Variants in LCP1 observed in about 807,000 individuals in gnomAD.
LCP1 encodes lymphocyte cytosolic protein 1.
In LCP1, 23 loss-of-function variants were observed where a neutral mutation model predicts 72.0. The ratio of observed to expected loss-of-function variants is 0.32; its 90% CI spans 0.23 to 0.45. The LOEUF is 0.45. LCP1 is among the 20% of genes least tolerant of loss of function. The pLI, the probability that LCP1 is intolerant of heterozygous loss-of-function variation, is 1.00. For synonymous variants in LCP1, 245 were observed against 275.4 expected, an observed-to-expected ratio of 0.89 and a Z score of 1.09; for missense variants, 571 against 748.3, an observed-to-expected ratio of 0.76 and a Z score of 2.76.
At chr13:46,135,511 G>A (rs996676101) in intron 13 of LCP1, among the ~76,000 whole-genome samples, 5 of 152,152 alleles carry the variant, frequency 3.3e-5, no homozygotes, top group African/African-American at 1.2e-4. Flanking sequence ...TTCAAGTTTA[G>A]TCCCTGAAAT....
chr13:46,141,251 C>G (rs368782212), intron 13 of LCP1, among the ~76,000 whole-genome samples: 37 of 151,456 alleles, frequency 2.4e-4, no homozygotes, highest in African/African-American at 8.2e-4. Flanking sequence ...ACTAAAAATA[C>G]AAAAATTAGC....
chr13:46,169,107 T>A (rs2045892329), intron 1 of LCP1, among the ~76,000 whole-genome samples: 1 of 152,172 alleles, frequency 6.6e-6, no homozygotes, highest in Admixed American at 6.5e-5. Flanking sequence ...TCACAGAGCT[T>A]ATTGGAGGTG....
intron 1 of LCP1, among the ~76,000 whole-genome samples, chr13:46,161,448 G>A (rs1053120472): frequency 1.3e-5 from 2 of 152,054 alleles, no homozygotes; most frequent in Admixed American, 1.3e-4. Context: ...AGAAACTGTC[G>A]AGGGGTTAAT....
chr13:46,153,615 C>T (rs1042007342), intron 6 of LCP1, among the ~76,000 whole-genome samples: 2 of 151,482 alleles, frequency 1.3e-5, no homozygotes, highest in Non-Finnish European at 2.9e-5. Flanking sequence ...GCAGGAGAAT[C>T]TCTTGAACCC....
chr13:46,155,636 C>G (rs2045795616), intron 5 of LCP1, among the ~76,000 whole-genome samples: 1 of 152,228 alleles, frequency 6.6e-6, no homozygotes, highest in Non-Finnish European at 1.5e-5. Context: ...TTGAGCACCT[C>G]AAGTCACTTC....
At chr13:46,156,097 G>T (rs1397911108) in intron 5 of LCP1, among the ~76,000 whole-genome samples, 1 of 152,058 alleles carries the variant, frequency 6.6e-6, no homozygotes, top group Non-Finnish European at 1.5e-5. Context: ...TCCTTCTATA[G>T]TCATTATTTA....
rs116495345 is a variant in LCP1, at chr13:46,167,552, G to A, written c.-24-7866C>T. Among the ~76,000 whole-genome samples the A allele has an allele frequency of 6.6e-3, 1,011 of 152,270 alleles. 8 individuals carry two copies. Among genetic ancestry groups the A allele is most frequent in the African/African-American group, 0.024 (979 of 41,550 alleles). ...CCTTCCCTGAGCTTTAGACAGTGAT[G>A]CTCCTGATACTAACATCTTTAAATT... On this transcript the variant is annotated intron_variant, in intron 1 of 15. Transcript: ENST00000323076.
chr13:46,180,899 T>G (rs2045952840), intron 1 of LCP1, among the ~76,000 whole-genome samples: 1 of 152,222 alleles, frequency 6.6e-6, no homozygotes. Context: ...GTTTCACATT[T>G]TTGCTTGTTT....
chr13:46,151,490 A>G (rs1349809615), intron 7 of LCP1, among the ~76,000 whole-genome samples: 4 of 152,096 alleles, frequency 2.6e-5, no homozygotes, highest in African/African-American at 9.7e-5. Flanking sequence ...GTCTATTCCC[A>G]TAGGTGTTTT....
intron 1 of LCP1, among the ~76,000 whole-genome samples, chr13:46,175,146 A>G (rs1033088701): frequency 1.3e-5 from 2 of 152,170 alleles, no homozygotes; most frequent in East Asian, 3.9e-4. Context: ...TAACAACTTT[A>G]CCTAGCTATG....
intron 11 of LCP1, among the ~76,000 whole-genome samples, chr13:46,143,837 C>A (rs908108191): frequency 2.6e-5 from 4 of 152,146 alleles, no homozygotes; most frequent in Admixed American, 2.6e-4. Context: ...GAGACCAAGG[C>A]GGGTGGATCA....
At position 46,127,393 on chromosome 13, in the gene LCP1, G is replaced by A. The variant is rs2045605247; in HGVS notation, c.*198C>T. 2 of 550,318 alleles carry A rather than the reference G, an allele frequency of 3.6e-6. No homozygotes were observed. The highest frequency in any genetic ancestry group is 6.4e-6 in the Non-Finnish European group (2 of 313,882). The allele number at this position is 550,318 out of a possible 1,614,324, so 34.1% of individuals were successfully genotyped here. On this transcript the variant is annotated 3_prime_UTR_variant, in exon 16 of 16. Transcript: ENST00000323076. ...ATCAAGAATAGAAACCTATATATAG[G>A]AGGTTGGGCCTCCTGCAAAGAATGA...
At chr13:46,178,704 AT>A (rs1401045098) in intron 1 of LCP1, among the ~76,000 whole-genome samples, 2 of 152,206 alleles carry the variant, frequency 1.3e-5, no homozygotes, top group African/African-American at 4.8e-5. Context: ...GTATCATTTC[AT>A]TTGATATCTG....
chr13:46,159,866 G>A (rs2045827344), intron 1 of LCP1, among the ~76,000 whole-genome samples, 180 bp from the exon 2 acceptor site: 1 of 152,106 alleles, frequency 6.6e-6, no homozygotes, highest in Non-Finnish European at 1.5e-5. Context: ...CCATGTGGTG[G>A]TCTCCAAAGA....
intron 13 of LCP1, among the ~76,000 whole-genome samples, chr13:46,135,283 T>C (rs2045658421): frequency 6.6e-6 from 1 of 152,106 alleles, no homozygotes; most frequent in African/African-American, 2.4e-5. Flanking sequence ...GGGATCAAAT[T>C]ACACATGAAA....
rs1264226575 is a variant in LCP1 at position 46,141,186 on chromosome 13, T to C, written c.1502+1106A>G. Among the ~76,000 whole-genome samples, 4 of 151,932 alleles carry C rather than the reference T, an allele frequency of 2.6e-5. No homozygotes were observed. In the South Asian group the frequency reaches 6.2e-4, roughly 24 times the overall value. On this transcript the variant is annotated intron_variant, in intron 13 of 15. Transcript: ENST00000323076. ...AGTTTGGGAGGCTGAGGCACTCGGATCATTAGGTCAGGAGTTTGAGACCAG... is the reference window on the plus strand; with the variant it reads ...AGTTTGGGAGGCTGAGGCACTCGGACCATTAGGTCAGGAGTTTGAGACCAG...
At chr13:46,136,754 A>T (rs1217984657) in intron 13 of LCP1, among the ~76,000 whole-genome samples, 3 of 151,912 alleles carry the variant, frequency 2.0e-5, no homozygotes, top group Non-Finnish European at 2.9e-5. Flanking sequence ...CATCTGAATT[A>T]AAAAAAAGGT....
At position 46,181,298 on chromosome 13, in the gene LCP1, A is replaced by G. The variant is rs536250063; in HGVS notation, c.-25+813T>C. Among the ~76,000 whole-genome samples, 5 of 152,374 alleles carry G rather than the reference A, an allele frequency of 3.3e-5. No homozygotes were observed. The South Asian group carries it at 1.0e-3, about 32-fold the overall frequency. On this transcript the variant is annotated intron_variant, in intron 1 of 15. Transcript: ENST00000323076. Reference sequence around the variant, plus strand: ...TGGTAATTAAGTAAAAGCTTATACTACAAAATCCAAAGTGTCTATGTTTGG... The same window carrying G: ...TGGTAATTAAGTAAAAGCTTATACTGCAAAATCCAAAGTGTCTATGTTTGG...
At chr13:46,128,468 T>G (rs568893001) in intron 15 of LCP1, among the ~76,000 whole-genome samples, 259 of 152,014 alleles carry the variant, frequency 1.7e-3, no homozygotes, top group Admixed American at 2.3e-3. Flanking sequence ...CGTGGTGGCG[T>G]GCGCCTGTAG....
Sources: gnomAD v4.1 joint callset for allele counts (sites outside exome capture counted in the v4.1 genomes callset) on GRCh38, gnomAD v4.1.1 for gene constraint, MANE v1.5 for transcripts, NCBI Gene and HGNC (gene_info 2026-07-23, HGNC 2026-07-21) for gene names.